ATRNL1: variants seen among roughly 807,000 people sequenced by gnomAD.
ATRNL1 encodes the protein attractin like 1, also known as attractin-like protein 1.
Under a neutral mutation model 182.7 loss-of-function variants are expected in ATRNL1, and 95 were observed. The observed-to-expected ratio is 0.52, with a 90% CI of 0.44 to 0.62. ATRNL1 has a LOEUF of 0.62. Ranked by LOEUF, ATRNL1 falls within the 20% of genes least tolerant of loss-of-function variation. ATRNL1 has a pLI of 0.00. For missense variants in ATRNL1, 1,471 were observed against 1,679.5 expected, an observed-to-expected ratio of 0.88 and a Z score of 2.17; for synonymous variants, 576 against 568.3, an observed-to-expected ratio of 1.01 and a Z score of -0.19.
At chr10:115,236,449 C>T (rs1850184068) in intron 9 of ATRNL1, among the ~76,000 whole-genome samples, 1 of 152,136 alleles carries the variant, frequency 6.6e-6, no homozygotes, top group South Asian at 2.1e-4. Context: ...CCATTTTATG[C>T]TTCATACATT....
intron 27 of ATRNL1, among the ~76,000 whole-genome samples, chr10:115,831,409 G>T (rs1229149201): frequency 6.6e-6 from 1 of 152,064 alleles, no homozygotes; most frequent in Non-Finnish European, 1.5e-5. Context: ...GATTTTATTT[G>T]TCATAGTTCC....
intron 28 of ATRNL1, among the ~76,000 whole-genome samples, chr10:115,938,705 A>G (rs79093763): frequency 0.014 from 2,104 of 152,308 alleles, 39 homozygotes; most frequent in African/African-American, 0.047. Context: ...TTTGCAACAC[A>G]TGAATGGAAC....
In ATRNL1 at chr10:115,454,671, TTTTC is replaced by T. The variant is rs1258287868; in HGVS notation, c.3323-7266_3323-7263del. ...TTCTTTTGATGCCATTGTAAGAATG[TTTTC>T]TTTAATTTCTTTTTCAGATAGTTCA... On this transcript the variant is annotated intron_variant, in intron 21 of 28. Coordinates refer to ENST00000355044, the MANE Select transcript of ATRNL1 (RefSeq NM_207303.4). Among the ~76,000 whole-genome samples, 2 of 152,132 alleles carry T rather than the reference TTTTC, an allele frequency of 1.3e-5. 1 individual carries two copies. The highest frequency in any genetic ancestry group is 3.9e-4 in the East Asian group (2 of 5,190).
chr10:115,924,871 A>T (rs782052797), intron 28 of ATRNL1, among the ~76,000 whole-genome samples: 1 of 152,170 alleles, frequency 6.6e-6, no homozygotes, highest in South Asian at 2.1e-4. Context: ...GATTCTTCCT[A>T]TCCATGAACA....
At chr10:115,573,501 TG>T (rs1216251573) in intron 26 of ATRNL1, among the ~76,000 whole-genome samples, 2 of 151,954 alleles carry the variant, frequency 1.3e-5, no homozygotes, top group Non-Finnish European at 2.9e-5. Context: ...AAGGCAGCTT[TG>T]GGGCACAAAA....
intron 28 of ATRNL1, among the ~76,000 whole-genome samples, chr10:115,863,291 G>A (rs951180755): frequency 1.3e-5 from 2 of 152,128 alleles, no homozygotes; most frequent in Non-Finnish European, 2.9e-5. Context: ...TATGCTGGGG[G>A]TATAGGGAAG....
intron 10 of ATRNL1, among the ~76,000 whole-genome samples, chr10:115,250,765 C>T (rs1850843065): frequency 6.6e-6 from 1 of 152,200 alleles, no homozygotes; most frequent in Non-Finnish European, 1.5e-5. Flanking sequence ...GTCTCTGAAT[C>T]TTTGTAGGTT....
At chr10:115,110,862 G>C (rs1844227141) in intron 1 of ATRNL1, among the ~76,000 whole-genome samples, 3 of 152,140 alleles carry the variant, frequency 2.0e-5, no homozygotes, top group Non-Finnish European at 4.4e-5. Context: ...ATAACACCTT[G>C]TGTACCTGTC....
intron 8 of ATRNL1, among the ~76,000 whole-genome samples, chr10:115,184,536 A>T (rs1847869024): frequency 6.6e-6 from 1 of 151,746 alleles, no homozygotes; most frequent in African/African-American, 2.4e-5. Flanking sequence ...TTTGAGCAAA[A>T]ATGAACACAG....
At chr10:115,749,107 G>T (rs1383489990) in intron 27 of ATRNL1, among the ~76,000 whole-genome samples, 1 of 151,854 alleles carries the variant, frequency 6.6e-6, no homozygotes, top group African/African-American at 2.4e-5. Context: ...TAATCAGTTA[G>T]TTAATGTATT....
chr10:115,718,034 A>G (rs1398949297), intron 26 of ATRNL1, among the ~76,000 whole-genome samples: 2 of 152,178 alleles, frequency 1.3e-5, no homozygotes, highest in East Asian at 3.9e-4. Context: ...TTTTTCTGCC[A>G]TGATTCTTCG....
chr10:115,483,962 C>T (rs968724830), intron 24 of ATRNL1, among the ~76,000 whole-genome samples: 4 of 151,510 alleles, frequency 2.6e-5, no homozygotes, highest in African/African-American at 9.7e-5. Flanking sequence ...GGCCACTACT[C>T]AAGTGAAATA....
intron 24 of ATRNL1, among the ~76,000 whole-genome samples, chr10:115,477,954 T>A (rs782350579): frequency 6.6e-6 from 1 of 151,708 alleles, no homozygotes; most frequent in South Asian, 2.1e-4. Context: ...TTACAATTGC[T>A]TGCTTTCTCA....
chr10:115,234,377 G>A (rs1365715591), intron 9 of ATRNL1, among the ~76,000 whole-genome samples: 1 of 151,610 alleles, frequency 6.6e-6, no homozygotes, highest in African/African-American at 2.4e-5. Context: ...TCTATGTATT[G>A]TTTTTGAATG....
chr10:115,135,799 T>C (rs1845483010), intron 5 of ATRNL1, among the ~76,000 whole-genome samples: 2 of 152,088 alleles, frequency 1.3e-5, no homozygotes, highest in Admixed American at 6.5e-5. Flanking sequence ...AGTCTTGAGT[T>C]CCTTCCTAAC....
chr10:115,919,569 C>T (rs1298558123), intron 28 of ATRNL1, among the ~76,000 whole-genome samples: 1 of 152,050 alleles, frequency 6.6e-6, no homozygotes, highest in Non-Finnish European at 1.5e-5. Context: ...AAGGTATTAA[C>T]ATTCTGTGCT....
chr10:115,568,170 G>A (rs1280602044), intron 26 of ATRNL1, among the ~76,000 whole-genome samples: 2 of 152,058 alleles, frequency 1.3e-5, no homozygotes, highest in African/African-American at 4.8e-5. Context: ...TACATAGTAA[G>A]TGGCCAGTGC....
intron 28 of ATRNL1, among the ~76,000 whole-genome samples, chr10:115,856,032 T>A (rs973668625): frequency 2.2e-4 from 34 of 152,124 alleles, no homozygotes; most frequent in African/African-American, 6.3e-4. Flanking sequence ...TTACTTTGAA[T>A]CTTATGGAAA....
chr10:115,690,133 A>C (rs72826809), intron 26 of ATRNL1, among the ~76,000 whole-genome samples: 8,367 of 152,168 alleles, frequency 0.055, 322 homozygotes, highest in Non-Finnish European at 0.087. Flanking sequence ...GCCTCTGAAA[A>C]GCATGTGCTT....
Sources: allele counts gnomAD v4.1 joint callset (sites outside exome capture counted in the v4.1 genomes callset), GRCh38; gene constraint gnomAD v4.1.1; transcripts MANE v1.5; gene names NCBI Gene and HGNC (gene_info 2026-07-23, HGNC 2026-07-21).